LY75: variants seen among roughly 807,000 people sequenced by gnomAD.
LY75 encodes lymphocyte antigen 75.
Under a neutral mutation model 231.7 loss-of-function variants are expected in LY75, and 185 were observed. The ratio of observed to expected loss-of-function variants is 0.80; its 90% CI spans 0.71 to 0.90. LY75 has a LOEUF of 0.90. Ranked by LOEUF, LY75 falls within the 40% of genes least tolerant of loss-of-function variation. LY75 has a pLI of 0.00. For synonymous variants in LY75, 668 were observed against 689.0 expected (o/e 0.97, Z 0.48); for missense variants, 1,947 against 2,050.2 (o/e 0.95, Z 0.97).
At chr2:159,844,941 G>A (rs1211022003) in intron 23 of LY75, among the ~76,000 whole-genome samples, 1 of 151,944 alleles carries the variant, frequency 6.6e-6, no homozygotes, top group Non-Finnish European at 1.5e-5. Context: ...TCTCCCCTGT[G>A]CTCAGTGTTT....
intron 23 of LY75, among the ~76,000 whole-genome samples, chr2:159,843,861 G>A (rs1684116650): frequency 6.6e-6 from 1 of 152,110 alleles, no homozygotes; most frequent in African/African-American, 2.4e-5. Flanking sequence ...TAATTACCCT[G>A]ATCAGATTGT....
At chr2:159,870,011 A>G (rs1428788129) in intron 13 of LY75, among the ~76,000 whole-genome samples, 2 of 152,188 alleles carry the variant, frequency 1.3e-5, no homozygotes, top group African/African-American at 4.8e-5. Context: ...ACACTGGACA[A>G]TGATGTCTAG....
At chr2:159,834,260 A>G (rs1237078360) in intron 26 of LY75, 49 bp from the exon 27 acceptor site, 2 of 1,606,486 alleles carry the variant, frequency 1.2e-6, no homozygotes, top group Non-Finnish European at 1.7e-6. Context: ...TATAAATGTT[A>G]AATCCTGTTT....
At chr2:159,853,381 C>T (rs760564656) in intron 19 of LY75, 29 bp from the exon 20 acceptor site, 22 of 1,608,928 alleles carry the variant, frequency 1.4e-5, no homozygotes, top group Admixed American at 3.4e-5. Context: ...TTTGACAACT[C>T]GTAATGTAAT....
chr2:159,836,811 C>A (rs148219299), intron 25 of LY75, among the ~76,000 whole-genome samples: 29 of 152,354 alleles, frequency 1.9e-4, no homozygotes, highest in African/African-American at 7.0e-4. Flanking sequence ...GCGACTTTGC[C>A]TGCACTCATT....
intron 14 of LY75, 22 bp from the exon 15 acceptor site, chr2:159,860,911 G>T: frequency 6.2e-7 from 1 of 1,613,428 alleles, no homozygotes; most frequent in South Asian, 1.1e-5. Context: ...AGAGAGGCTT[G>T]AGAATTTAAG....
Position 159,805,214 on chromosome 2 carries a change from A to G in LY75, c.4999T>C (p.Tyr1667His). Residue 1667 changes from tyrosine to histidine, a missense_variant, in exon 35 of 35, where the codon TAC (tyrosine) becomes CAC (histidine). Physicochemically the swap from Tyr to His is moderately conservative, Grantham distance 83. Coordinates refer to ENST00000263636, the MANE Select transcript of LY75 (RefSeq NM_002349.4). ...VVCKVPLGPD[Y>H]TAIAIIVATL... ...GCAACTATGATAGCTATTGCTGTGTAATCAGGGCCTGGAACAGGAAAAGGT... is the reference window on the plus strand; with the variant it reads ...GCAACTATGATAGCTATTGCTGTGTGATCAGGGCCTGGAACAGGAAAAGGT... 1 of 1,613,682 alleles carries G rather than the reference A, an allele frequency of 6.2e-7. No individual in the cohort carries two copies. The highest frequency in any genetic ancestry group is 8.5e-7 in the Non-Finnish European group (1 of 1,179,678).
Position 159,842,263 on chromosome 2 carries a change from G to C in LY75, c.3262C>G (p.Leu1088Val). 6.2e-7 allele frequency: 1 copy of C among 1,611,696 alleles called. No homozygotes were observed. ...TTGTTACCTGAATATTTCTGACAGA[G>C]AGACACAAAGTGGCGTTCACTGCAG... is the stretch of plus-strand genomic sequence containing the variant. ...TSCSERHFVS[L>V]CQKYSEVKSR... is the part of the protein sequence containing the mutation. The change falls in exon 24 of 35, where the codon CTC (leucine) becomes GTC (valine). Residue 1088 changes from leucine to valine, a missense_variant. Coordinates refer to ENST00000263636, the MANE Select transcript of LY75 (RefSeq NM_002349.4).
At chr2:159,870,872 C>T (rs1684993780) in intron 13 of LY75, among the ~76,000 whole-genome samples, 2 of 150,932 alleles carry the variant, frequency 1.3e-5, no homozygotes, top group African/African-American at 5.0e-5. Flanking sequence ...ATAGCCATTA[C>T]CCTTTTTGCA....
At chr2:159,890,483 GCC>G in intron 3 of LY75, 106 bp from the exon 4 acceptor site, 1 of 1,473,068 alleles carries the variant, frequency 6.8e-7, no homozygotes, top group Non-Finnish European at 9.1e-7. Context: ...CTTAGGATAT[GCC>G]CAAAGGGAGA....
rs1560093115 is a variant in LY75, at chr2:159,874,135, C to CGTATATATATTTCGTAAATATATATAAA, written c.1974+1308_1974+1309insTTTATATATATTTACGAAATATATATAC. 3.8e-3 allele frequency among the ~76,000 whole-genome samples: 352 copies of CGTATATATATTTCGTAAATATATATAAA among 92,084 alleles called. 44 individuals carry two copies. The highest frequency in any genetic ancestry group is 5.8e-3 in the Admixed American group (38 of 6,520). 60.4% of individuals were successfully genotyped at this position (92,084 alleles called of 152,430 possible). A position where few individuals can be genotyped will look rare whatever the true frequency, so the allele number is the denominator to read the frequency against. Reference sequence around the variant, plus strand: ...TATATATATTTTGTAAATATATAAACGTATATATATTTTGTAAATATATAT... The same window carrying CGTATATATATTTCGTAAATATATATAAA: ...TATATATATTTTGTAAATATATAAACGTATATATATTTCGTAAATATATATAAAGTATATATATTTTGTAAATATATAT... On this transcript the variant is annotated intron_variant, in intron 12 of 34. Transcript: ENST00000263636.
At chr2:159,889,658 A>G (rs1230396732) in intron 4 of LY75, among the ~76,000 whole-genome samples, 1 of 152,176 alleles carries the variant, frequency 6.6e-6, no homozygotes. Context: ...GTTTTTATTT[A>G]TTCTTATCTA....
chr2:159,853,572 AG>A, intron 19 of LY75, 57 bp downstream of exon 19: 1 of 1,607,116 alleles, frequency 6.2e-7, no homozygotes, highest in African/African-American at 1.3e-5. Flanking sequence ...ATTTAGTAAA[AG>A]GAACTGCTTC....
chr2:159,885,705 A>G (rs1197004503), intron 5 of LY75, among the ~76,000 whole-genome samples: 1 of 152,204 alleles, frequency 6.6e-6, no homozygotes, highest in East Asian at 1.9e-4. Flanking sequence ...TAATAAAAGT[A>G]TTACTTCATT....
At chr2:159,817,961 A>C (rs1359792980) in intron 29 of LY75, among the ~76,000 whole-genome samples, 1 of 152,180 alleles carries the variant, frequency 6.6e-6, no homozygotes, top group African/African-American at 2.4e-5. Flanking sequence ...AGGCAGGAGA[A>C]TCGCTGGAAC....
Position 159,835,558 on chromosome 2 carries a change from C to T in LY75, c.3595G>A (p.Val1199Ile). 1 of 1,613,842 alleles carries T rather than the reference C, an allele frequency of 6.2e-7. No homozygotes were observed. The highest frequency in any genetic ancestry group is 1.7e-5 in the Admixed American group (1 of 59,978). ...ETNGQLEDCV[V>I]LDTDGFWKTV... ...TTCCAGAATCCATCAGTGTCTAATA[C>T]TACACAGTCTTCGAGTTGCCCATTA... The change falls in exon 26 of 35, where the codon GTA becomes ATA. Residue 1199 changes from valine (V) to isoleucine (I), a missense_variant. By Grantham distance (29) the Val-to-Ile change is conservative. Transcript: ENST00000263636.
intron 14 of LY75, among the ~76,000 whole-genome samples, chr2:159,863,014 C>CT (rs542539715): frequency 0.045 from 6,371 of 142,270 alleles, 177 homozygotes; most frequent in Non-Finnish European, 0.071. Context: ...CTATGAGATC[C>CT]TTTTTTTTTT....
chr2:159,846,635 A>T (rs770271345), intron 23 of LY75, among the ~76,000 whole-genome samples: 1 of 152,228 alleles, frequency 6.6e-6, no homozygotes, highest in Admixed American at 6.5e-5. Context: ...GCAACAGAGG[A>T]AAAATAAAAA....
intron 25 of LY75, among the ~76,000 whole-genome samples, chr2:159,837,503 A>G (rs973991602): frequency 3.6e-4 from 55 of 152,070 alleles, no homozygotes; most frequent in South Asian, 8.3e-4. Context: ...GTGGGGAGGG[A>G]GTGGAGCAAG....
Sources: gnomAD v4.1 joint callset for allele counts (sites outside exome capture counted in the v4.1 genomes callset) on GRCh38, gnomAD v4.1.1 for gene constraint, MANE v1.5 for transcripts, NCBI Gene and HGNC (gene_info 2026-07-23, HGNC 2026-07-21) for gene names.